TACC2: variants seen among roughly 807,000 people sequenced by gnomAD.
The protein encoded by TACC2 is transforming acidic coiled-coil-containing protein 2.
In TACC2, 137 loss-of-function variants were observed where a neutral mutation model predicts 227.3. The observed-to-expected ratio is 0.60, with a 90% CI of 0.52 to 0.69. TACC2 has a LOEUF of 0.69. TACC2 is among the 30% of genes least tolerant of loss of function. The probability of loss-of-function intolerance (pLI) is 0.00; values close to 1 mark genes in which losing one functional copy is unlikely to be tolerated. For missense variants in TACC2, 3,470 were observed against 3,694.4 expected, an observed-to-expected ratio of 0.94 and a Z score of 1.57; for synonymous variants, 1,523 against 1,487.5, an observed-to-expected ratio of 1.02 and a Z score of -0.55.
intron 7 of TACC2, among the ~76,000 whole-genome samples, chr10:122,185,177 CTT>C (rs2094140318): frequency 6.7e-6 from 1 of 149,840 alleles, no homozygotes; most frequent in Non-Finnish European, 1.5e-5. Flanking sequence ...ATCACATACT[CTT>C]TTCTTTCTTT....
In TACC2 at chr10:122,220,338, C is replaced by T. The variant is rs180712477; in HGVS notation, c.7546+3510C>T. Among the ~76,000 whole-genome samples the T allele has an allele frequency of 2.6e-5, 4 of 152,152 alleles. No homozygotes were observed. In the East Asian group the frequency reaches 7.7e-4, roughly 29 times the overall value. ...GTAAATATATGGGTTTGGAACAAAA[C>T]TTGGTTAAACCCATTACCTTAGAAA... On this transcript the variant is annotated intron_variant, in intron 11 of 22. Coordinates refer to ENST00000369005, the MANE Select transcript of TACC2 (RefSeq NM_206862.4).
At chr10:122,109,594 A>C (rs1398206352) in intron 5 of TACC2, among the ~76,000 whole-genome samples, 1 of 152,240 alleles carries the variant, frequency 6.6e-6, no homozygotes, top group Non-Finnish European at 1.5e-5. Flanking sequence ...AGAAGAATGA[A>C]GACTTTGACT....
intron 7 of TACC2, among the ~76,000 whole-genome samples, chr10:122,152,176 T>C (rs1299440916): frequency 6.6e-6 from 1 of 152,214 alleles, no homozygotes; most frequent in African/African-American, 2.4e-5. Context: ...CCCACCTTGG[T>C]GTCCCTGCTC....
At chr10:122,195,009 G>T in intron 7 of TACC2, 31 bp from the exon 8 acceptor site, 1 of 1,586,154 alleles carries the variant, frequency 6.3e-7, no homozygotes, top group Non-Finnish European at 8.6e-7. Context: ...CTGGGCCCCT[G>T]TCTAACCTGT....
At chr10:122,088,995 G>A (rs1159209983) in intron 5 of TACC2, among the ~76,000 whole-genome samples, 2 of 152,086 alleles carry the variant, frequency 1.3e-5, no homozygotes, top group Non-Finnish European at 2.9e-5. Context: ...CGTGTCTGTA[G>A]TCCCAGTTAC....
chr10:122,068,985 A>G (rs542953740), intron 3 of TACC2, among the ~76,000 whole-genome samples: 138 of 138,456 alleles, frequency 1.0e-3, no homozygotes, highest in African/African-American at 3.7e-3. Flanking sequence ...GGCGTGAGGC[A>G]CCGCGCGGGC....
intron 2 of TACC2, among the ~76,000 whole-genome samples, chr10:122,025,058 C>T (rs1957812929): frequency 6.6e-6 from 1 of 152,062 alleles, no homozygotes; most frequent in Non-Finnish European, 1.5e-5. Flanking sequence ...GTCTTTGGAC[C>T]CTGGCTGTCA....
chr10:122,063,019 C>A (rs983323955), intron 3 of TACC2, among the ~76,000 whole-genome samples: 1 of 152,064 alleles, frequency 6.6e-6, no homozygotes, highest in Non-Finnish European at 1.5e-5. Context: ...GGACTAGAAC[C>A]GAGGCTGGTT....
chr10:122,084,136 C>T lies in TACC2; in HGVS notation c.1636C>T (p.Pro546Ser). 6.2e-7 allele frequency: 1 copy of T among 1,614,088 alleles called. No individual in the cohort carries two copies. The highest frequency in any genetic ancestry group is 8.5e-7 in the Non-Finnish European group (1 of 1,180,034). Residue 546 changes from proline to serine, a missense_variant, in exon 4 of 23, where the codon CCA becomes TCA. Pro to Ser is a moderately conservative substitution (Grantham distance 74). Transcript: ENST00000369005. ...GGCACCAAGTGAAAGTGCCAGAGGG[C>T]CACCGGGGCCAACGGATGGAGCCAA... ...PKAPSESARG[P>S]PGPTDGAKVH...
intron 11 of TACC2, among the ~76,000 whole-genome samples, chr10:122,222,900 C>T (rs2095548527): frequency 6.6e-6 from 1 of 152,192 alleles, no homozygotes; most frequent in African/African-American, 2.4e-5. Flanking sequence ...AGCTGATTCA[C>T]TATTATTTTC....
Position 122,150,908 on chromosome 10 carries a change from C to T in TACC2, c.5834+7202C>T, listed in dbSNP as rs117079668. Among the ~76,000 whole-genome samples the T allele has an allele frequency of 7.5e-3, 1,136 of 152,170 alleles. 9 individuals are homozygous for T. Among genetic ancestry groups the T allele is most frequent in the Non-Finnish European group, 0.012 (832 of 68,004 alleles). On this transcript the variant is annotated intron_variant, in intron 7 of 22. Coordinates refer to ENST00000369005, the MANE Select transcript of TACC2 (RefSeq NM_206862.4). This position sits in a 1 kb window ranked among gnomAD's most constrained non-coding sequence, Gnocchi z 4.0. ...ATGCCACGGACTATTCGGAAGGTGGCGCAGGGGAAGGAGCATGAAGTTGGA... is the reference window on the plus strand; with the variant it reads ...ATGCCACGGACTATTCGGAAGGTGGTGCAGGGGAAGGAGCATGAAGTTGGA...
intron 2 of TACC2, chr10:122,022,898 C>A (rs11596204): frequency 6.6e-6 from 1 of 152,080 alleles, no homozygotes; most frequent in Non-Finnish European, 1.5e-5. Context: ...TAACTTAATG[C>A]GTTGGTGAAC....
chr10:122,194,118 C>T lies in TACC2; in HGVS notation c.5835-922C>T, dbSNP rs1345704981. On this transcript the variant is annotated intron_variant, in intron 7 of 22. Transcript: ENST00000369005. The surrounding 1 kb of genome is among the most constrained non-coding windows in gnomAD (Gnocchi z 4.4). ...TTTTATCTTTTTATAGAAATAGGGC[C>T]TCACTGTGTTGCCCAGGCTGGTCTC... 6.6e-6 allele frequency among the ~76,000 whole-genome samples: 1 copy of T among 152,134 alleles called. No homozygotes were observed. The highest frequency in any genetic ancestry group is 2.4e-5 in the African/African-American group (1 of 41,432).
intron 3 of TACC2, among the ~76,000 whole-genome samples, chr10:122,061,242 C>T (rs903958836): frequency 8.5e-6 from 1 of 117,238 alleles, no homozygotes; most frequent in African/African-American, 3.3e-5. Context: ...ACCCGGGAGG[C>T]GGAGCTTGCA....
chr10:122,185,118 G>A (rs1210984125), intron 7 of TACC2, among the ~76,000 whole-genome samples: 5 of 148,556 alleles, frequency 3.4e-5, no homozygotes, highest in East Asian at 3.9e-4. Context: ...CTCCTGCCTC[G>A]GCCTCCCAAA....
At chr10:122,094,974 C>T (rs1282084291) in intron 5 of TACC2, among the ~76,000 whole-genome samples, 1 of 152,200 alleles carries the variant, frequency 6.6e-6, no homozygotes, top group African/African-American at 2.4e-5. Flanking sequence ...GAATATTTTA[C>T]ACTCTAGCTG....
At chr10:122,184,069 G>A (rs1243657492) in intron 7 of TACC2, among the ~76,000 whole-genome samples, 2 of 152,164 alleles carry the variant, frequency 1.3e-5, no homozygotes, top group Non-Finnish European at 2.9e-5. Context: ...TCTGAGGGAC[G>A]GTAACATGTC....
intron 7 of TACC2, among the ~76,000 whole-genome samples, chr10:122,170,185 C>A (rs142214866): frequency 1.2e-4 from 19 of 152,106 alleles, no homozygotes; most frequent in Middle Eastern, 3.4e-3. Flanking sequence ...CGAACCCAGC[C>A]CCACCCCCAT....
intron 5 of TACC2, among the ~76,000 whole-genome samples, chr10:122,107,250 A>G (rs2082914202): frequency 1.3e-5 from 2 of 152,184 alleles, no homozygotes; most frequent in African/African-American, 4.8e-5. Context: ...AGAATTATCT[A>G]CAGGCTGGGT....
Sources: gnomAD v4.1 joint callset for allele counts (sites outside exome capture counted in the v4.1 genomes callset) on GRCh38, gnomAD v4.1.1 for gene constraint, Gnocchi (gnomAD v3.1) non-coding constraint, MANE v1.5 for transcripts, NCBI Gene and HGNC (gene_info 2026-07-23, HGNC 2026-07-21) for gene names.